Variants in ITSN2 observed in about 807,000 individuals in gnomAD.
ITSN2 encodes the protein intersectin 2, also known as intersectin-2.
A neutral mutation model predicts 243.7 loss-of-function variants in ITSN2; 156 were observed. The ratio of observed to expected loss-of-function variants is 0.64; its 90% confidence interval spans 0.56 to 0.73. The LOEUF (loss-of-function observed/expected upper bound fraction) is 0.73, where lower values mean the gene tolerates loss of function less well. ITSN2 is among the 30% of genes least tolerant of loss of function. The pLI is 0.00. For synonymous variants in ITSN2, 703 were observed against 699.9 expected (o/e 1.00, Z -0.07); for missense variants, 1,801 against 1,996.1 (o/e 0.90, Z 1.86).
At chr2:24,216,884 G>C (rs1558436789) in intron 31 of ITSN2, among the ~76,000 whole-genome samples, 1 of 152,170 alleles carries the variant, frequency 6.6e-6, no homozygotes, top group Non-Finnish European at 1.5e-5. Flanking sequence ...AGGAGATTGA[G>C]ACCATCCTGG....
At chr2:24,301,542 T>C (rs1011071685) in intron 10 of ITSN2, among the ~76,000 whole-genome samples, 15 of 151,688 alleles carry the variant, frequency 9.9e-5, no homozygotes, top group African/African-American at 3.6e-4. Context: ...TTTTTTTTTT[T>C]TGAGGCAGGG....
chr2:24,247,442 A>G (rs1414120796), intron 27 of ITSN2, among the ~76,000 whole-genome samples: 1 of 152,164 alleles, frequency 6.6e-6, no homozygotes, highest in Admixed American at 6.5e-5. Context: ...AAACTGCAAC[A>G]TGAGTGTAAT....
At chr2:24,334,035 G>C (rs774719980) in intron 1 of ITSN2, among the ~76,000 whole-genome samples, 5 of 151,778 alleles carry the variant, frequency 3.3e-5, no homozygotes, top group Admixed American at 3.3e-4. Context: ...GACTACAAGC[G>C]CACGCCACCA....
chr2:24,330,291 T>C (rs1162931734), intron 1 of ITSN2: 3 of 384,620 alleles, frequency 7.8e-6, no homozygotes, highest in African/African-American at 2.1e-5. Context: ...GAATGCCAAA[T>C]AGAGAGCAAC....
At chr2:24,298,840 A>C in intron 12 of ITSN2, 26 bp from the exon 13 acceptor site, 1 of 1,570,350 alleles carries the variant, frequency 6.4e-7, no homozygotes, top group Non-Finnish European at 8.6e-7. Context: ...AATTATACTT[A>C]ATTTTTAAAT....
At position 24,208,638 on chromosome 2, in the gene ITSN2, G is replaced by A. The variant is rs146724378; in HGVS notation, c.4596-319C>T. On this transcript the variant is annotated intron_variant, in intron 36 of 39. Transcript: ENST00000355123. ...ACACAGAGGAGCAGCAGCACCCCCC[G>A]GGTTGGCGCCGCGGAGGCACTGTTG... is the stretch of plus-strand genomic sequence containing the variant. 3.4e-3 allele frequency among the ~76,000 whole-genome samples: 514 copies of A among 152,288 alleles called. 2 individuals are homozygous for A. The highest frequency in any genetic ancestry group is 0.02 in the Middle Eastern group (6 of 294).
chr2:24,228,006 G>A (rs145131596), intron 29 of ITSN2, among the ~76,000 whole-genome samples: 14 of 152,300 alleles, frequency 9.2e-5, no homozygotes, highest in African/African-American at 3.1e-4. Context: ...AAAGAATTGA[G>A]AGAGGTAATA....
Position 24,342,620 on chromosome 2 carries a change from TG to T in ITSN2, c.-33-14506del, listed in dbSNP as rs1310748276. Among the ~76,000 whole-genome samples, 7 of 151,208 alleles carry T rather than the reference TG, an allele frequency of 4.6e-5. 1 individual carries two copies. In the East Asian group the frequency reaches 7.8e-4, roughly 17 times the overall value. Reference sequence around the variant, plus strand: ...AAAGACACATGCAAATCAGTTCCCATGACTCAACCAGATATGTGCATTTCAG... The same window carrying T: ...AAAGACACATGCAAATCAGTTCCCATACTCAACCAGATATGTGCATTTCAG... On this transcript the variant is annotated intron_variant, in intron 1 of 39. Transcript: ENST00000355123.
At chr2:24,358,526 C>G (rs1476239413) in intron 1 of ITSN2, among the ~76,000 whole-genome samples, 3 of 152,042 alleles carry the variant, frequency 2.0e-5, no homozygotes, top group Admixed American at 2.0e-4. Flanking sequence ...AAGGAGACAG[C>G]CAATATGTGA....
rs1681700085 is a variant in ITSN2 at position 24,301,294 on chromosome 2, A to G, written c.996-55T>C. ...CATGTAGTCTGGACATTTTCAGACT[A>G]GATTACACAGACTACCAGTGATTAT... On this transcript the variant is annotated intron_variant, in intron 10 of 39. Coordinates refer to ENST00000355123, the MANE Select transcript of ITSN2 (RefSeq NM_006277.3). 5.0e-6 allele frequency: 5 copies of G among 1,001,636 alleles called. No homozygotes were observed. In the Admixed American group the frequency reaches 9.5e-5, roughly 19 times the overall value. 62.0% of individuals were successfully genotyped at this position (1,001,636 alleles called of 1,614,324 possible). A position where few individuals can be genotyped will look rare whatever the true frequency, so the allele number is the denominator to read the frequency against.
At position 24,289,538 on chromosome 2, in the gene ITSN2, C is replaced by T. The variant is rs1679966917; in HGVS notation, c.1724-3187G>A. Among the ~76,000 whole-genome samples, 3 of 152,216 alleles carry T rather than the reference C, an allele frequency of 2.0e-5. No individual in the cohort carries two copies. In the South Asian group the frequency reaches 6.2e-4, roughly 31 times the overall value. ...TTTTCAACATATAGGATCATGTCAT[C>T]TGCAGACAGGGATAATTTTACTACT... On this transcript the variant is annotated intron_variant, in intron 15 of 39. Transcript: ENST00000355123.
chr2:24,269,071 T>G (rs62140020), intron 20 of ITSN2, among the ~76,000 whole-genome samples: 1 of 144,294 alleles, frequency 6.9e-6, no homozygotes, highest in Non-Finnish European at 1.5e-5. Flanking sequence ...TTTTTTTTTT[T>G]CCTACTACTA....
chr2:24,339,152 C>A (rs567934962), intron 1 of ITSN2, among the ~76,000 whole-genome samples: 1 of 152,060 alleles, frequency 6.6e-6, no homozygotes, highest in Non-Finnish European at 1.5e-5. Context: ...AAAAACTGTG[C>A]GATTTGAGAG....
intron 1 of ITSN2, among the ~76,000 whole-genome samples, chr2:24,347,493 C>A (rs986671367): frequency 3.3e-5 from 5 of 152,168 alleles, no homozygotes; most frequent in African/African-American, 4.8e-5. Context: ...TCGAGACCAG[C>A]CTGACCAACA....
rs374358926 is a variant in ITSN2, at chr2:24,338,797, C to T, written c.-33-10682G>A. ...GATGAGGCCAGAAGTTCAAGACCAG[C>T]CCAGGCAACACAGCAAGACCCCAAC... On this transcript the variant is annotated intron_variant, in intron 1 of 39. Transcript: ENST00000355123. 1.1e-4 allele frequency among the ~76,000 whole-genome samples: 16 copies of T among 151,956 alleles called. No homozygotes were observed. In the East Asian group the frequency reaches 3.1e-3, roughly 30 times the overall value.
intron 5 of ITSN2, chr2:24,311,521 C>G (rs926227603): frequency 1.2e-5 from 2 of 167,198 alleles, no homozygotes; most frequent in Non-Finnish European, 2.9e-5. Flanking sequence ...GCCAGAACTA[C>G]AGGCACACAC....
At chr2:24,343,376 C>G (rs778023801) in intron 1 of ITSN2, among the ~76,000 whole-genome samples, 1 of 152,090 alleles carries the variant, frequency 6.6e-6, no homozygotes, top group African/African-American at 2.4e-5. Context: ...CTTCATTGTT[C>G]TGCTTTTTTC....
At chr2:24,318,379 C>A (rs1487721694) in intron 2 of ITSN2, among the ~76,000 whole-genome samples, 1 of 152,130 alleles carries the variant, frequency 6.6e-6, no homozygotes, top group African/African-American at 2.4e-5. Context: ...CTCCTGGGCT[C>A]AAGTGATCCT....
chr2:24,348,409 C>T (rs1017659775), intron 1 of ITSN2, among the ~76,000 whole-genome samples: 2 of 151,874 alleles, frequency 1.3e-5, no homozygotes, highest in African/African-American at 4.8e-5. Context: ...AGGCTGGTCT[C>T]GAACTCCTGA....
Sources: gnomAD v4.1 joint callset for allele counts (sites outside exome capture counted in the v4.1 genomes callset) on GRCh38, gnomAD v4.1.1 for gene constraint, MANE v1.5 for transcripts, NCBI Gene and HGNC (gene_info 2026-07-23, HGNC 2026-07-21) for gene names.